ADARB2: variants seen among roughly 807,000 people sequenced by gnomAD.
The protein encoded by ADARB2 is adenosine deaminase RNA specific B2 (inactive).
In ADARB2, 25 loss-of-function variants were observed where a neutral mutation model predicts 62.2. That is an observed-to-expected ratio of 0.40 (90% confidence interval 0.29 to 0.56). ADARB2 has a LOEUF of 0.56. Ranked by LOEUF, ADARB2 falls within the 20% of genes least tolerant of loss-of-function variation. The pLI is 0.43. For synonymous variants in ADARB2, 572 were observed against 500.8 expected (o/e 1.14, Z -1.90); for missense variants, 1,071 against 1,077.4 (o/e 0.99, Z 0.08).
At position 1,436,117 on chromosome 10, in the gene ADARB2, G is replaced by A. The variant is rs182970093; in HGVS notation, c.101-56957C>T. On this transcript the variant is annotated intron_variant, in intron 1 of 9. Transcript: ENST00000381312. ...TAATGGAAGTGGCTCTTGCGAGGCT[G>A]TGTGTGTGTGTACGTGATATGTGTT... Among the ~76,000 whole-genome samples, 5 of 151,814 alleles carry A rather than the reference G, an allele frequency of 3.3e-5. No homozygotes were observed. In the East Asian group the frequency reaches 7.7e-4, roughly 23 times the overall value.
At chr10:1,359,869 T>C (rs1832235490) in intron 3 of ADARB2, among the ~76,000 whole-genome samples, 2 of 152,260 alleles carry the variant, frequency 1.3e-5, no homozygotes, top group African/African-American at 4.8e-5. Flanking sequence ...GTTCTTGCAG[T>C]AGGCTCCTCA....
At chr10:1,247,448 A>G (rs1481537491) in intron 4 of ADARB2, among the ~76,000 whole-genome samples, 3 of 152,162 alleles carry the variant, frequency 2.0e-5, no homozygotes, top group African/African-American at 7.2e-5. Context: ...CCCATTCAGT[A>G]TGATATTGGC....
At chr10:1,557,030 A>G (rs1832714811) in intron 1 of ADARB2, 1 of 366,540 alleles carries the variant, frequency 2.7e-6, no homozygotes, top group African/African-American at 2.1e-5. Flanking sequence ...TCCTGTGGTC[A>G]TCACCAAAAC....
At chr10:1,563,276 G>C (rs1186600759) in intron 1 of ADARB2, among the ~76,000 whole-genome samples, 3 of 152,086 alleles carry the variant, frequency 2.0e-5, no homozygotes, top group Non-Finnish European at 4.4e-5. Flanking sequence ...TGAGAACGTG[G>C]TCCCCCTAAG....
At chr10:1,450,261 T>C (rs1831020216) in intron 1 of ADARB2, among the ~76,000 whole-genome samples, 1 of 152,290 alleles carries the variant, frequency 6.6e-6, no homozygotes, top group Non-Finnish European at 1.5e-5. Context: ...TCTTATTTTA[T>C]GCAATTATAG....
intron 1 of ADARB2, among the ~76,000 whole-genome samples, chr10:1,666,609 A>C (rs1834319716): frequency 6.6e-6 from 1 of 152,180 alleles, no homozygotes; most frequent in Non-Finnish European, 1.5e-5. Flanking sequence ...GGAATTCTGA[A>C]TGTTTTGCTA....
chr10:1,734,977 A>G (rs1461647794), intron 1 of ADARB2, among the ~76,000 whole-genome samples: 3 of 152,210 alleles, frequency 2.0e-5, no homozygotes, highest in Non-Finnish European at 4.4e-5. Context: ...TAATTATTTA[A>G]TGTGTCTCTT....
At chr10:1,240,783 C>T (rs1830912758) in intron 5 of ADARB2, among the ~76,000 whole-genome samples, 1 of 152,256 alleles carries the variant, frequency 6.6e-6, no homozygotes, top group Admixed American at 6.5e-5. Context: ...CAGTTGCCTT[C>T]TCTGACACAA....
chr10:1,495,745 C>T (rs1831679836), intron 1 of ADARB2, among the ~76,000 whole-genome samples: 3 of 149,486 alleles, frequency 2.0e-5, no homozygotes, highest in Admixed American at 2.0e-4. Context: ...TCATCATCAC[C>T]ATCATCATCA....
chr10:1,363,958 C>A (rs986294009), intron 2 of ADARB2, 41 bp from the exon 3 acceptor site: 1 of 1,417,952 alleles, frequency 7.1e-7, no homozygotes, highest in African/African-American at 1.5e-5. Context: ...TGGGCGGGCG[C>A]CGGCAGGTCG....
chr10:1,440,179 C>T (rs1217102427), intron 1 of ADARB2, among the ~76,000 whole-genome samples: 1 of 151,706 alleles, frequency 6.6e-6, no homozygotes, highest in African/African-American at 2.4e-5. Flanking sequence ...GCTTCTGAGT[C>T]TCCCCCAGGA....
intron 8 of ADARB2, among the ~76,000 whole-genome samples, chr10:1,189,809 C>T (rs1039910157): frequency 2.6e-5 from 3 of 113,360 alleles, no homozygotes; most frequent in African/African-American, 3.8e-5. Flanking sequence ...GAACACGTGG[C>T]GCTACCTCCT....
At chr10:1,568,458 C>T (rs546850950) in intron 1 of ADARB2, among the ~76,000 whole-genome samples, 3 of 152,174 alleles carry the variant, frequency 2.0e-5, no homozygotes, top group South Asian at 2.1e-4. Flanking sequence ...AACCTGCCCA[C>T]GTGAACCCAG....
chr10:1,458,857 G>A (rs1054606758), intron 1 of ADARB2, among the ~76,000 whole-genome samples: 2 of 138,070 alleles, frequency 1.4e-5, no homozygotes, highest in Non-Finnish European at 3.2e-5. Context: ...ACACTCGACG[G>A]AACAAACACT....
At chr10:1,678,242 C>A in intron 1 of ADARB2, 1 of 985,210 alleles carries the variant, frequency 1.0e-6, no homozygotes. Context: ...GGGTGAGTGT[C>A]CTCGGGGTGA....
At chr10:1,448,263 C>T (rs1461291732) in intron 1 of ADARB2, among the ~76,000 whole-genome samples, 2 of 152,176 alleles carry the variant, frequency 1.3e-5, no homozygotes, top group Non-Finnish European at 2.9e-5. Flanking sequence ...GACAGGCTCT[C>T]TCTACCTCCA....
chr10:1,410,955 A>C (rs58468420), intron 1 of ADARB2, among the ~76,000 whole-genome samples: 224 of 152,304 alleles, frequency 1.5e-3, no homozygotes, highest in African/African-American at 5.1e-3. Context: ...CTGGAGGCGA[A>C]GGGCTGAGTC....
intron 3 of ADARB2, among the ~76,000 whole-genome samples, chr10:1,296,716 G>T (rs975014441): frequency 6.6e-6 from 1 of 152,232 alleles, no homozygotes; most frequent in Non-Finnish European, 1.5e-5. Context: ...ACACAATCAA[G>T]TGTGGAAAGG....
intron 6 of ADARB2, among the ~76,000 whole-genome samples, chr10:1,228,084 A>T (rs1830764433): frequency 6.6e-6 from 1 of 152,240 alleles, no homozygotes. Flanking sequence ...ATATTCCCTG[A>T]CTTCCTATGG....
Sources: gnomAD v4.1 joint callset for allele counts (sites outside exome capture counted in the v4.1 genomes callset) on GRCh38, gnomAD v4.1.1 for gene constraint, MANE v1.5 for transcripts, NCBI Gene and HGNC (gene_info 2026-07-23, HGNC 2026-07-21) for gene names.